The following IL1RAP variants were observed in gnomAD, a reference collection of about 807,000 sequenced individuals.
IL1RAP encodes interleukin 1 receptor accessory protein.
A neutral mutation model predicts 60.7 loss-of-function variants in IL1RAP; 35 were observed. The observed-to-expected ratio is 0.58, with a 90% confidence interval of 0.44 to 0.76. The LOEUF (loss-of-function observed/expected upper bound fraction) is 0.76. Ranked by LOEUF, IL1RAP falls within the 30% of genes least tolerant of loss-of-function variation. The probability of loss-of-function intolerance (pLI) is 0.00; values close to 1 mark genes in which losing one functional copy is unlikely to be tolerated. For synonymous variants in IL1RAP, 268 were observed against 250.9 expected, an observed-to-expected ratio of 1.07 and a Z score of -0.64; for missense variants, 572 against 693.9, an observed-to-expected ratio of 0.82 and a Z score of 1.97.
At chr3:190,607,923 A>G (rs560450873) in intron 4 of IL1RAP, among the ~76,000 whole-genome samples, 12 of 152,134 alleles carry the variant, frequency 7.9e-5, no homozygotes, top group Admixed American at 3.9e-4. Flanking sequence ...CTATCGTTCT[A>G]TCATGTGACA....
At chr3:190,554,133 C>A (rs1307558197) in intron 1 of IL1RAP, among the ~76,000 whole-genome samples, 2 of 151,226 alleles carry the variant, frequency 1.3e-5, no homozygotes, top group African/African-American at 4.9e-5. Flanking sequence ...CTCACTCACC[C>A]TTTCTCAAAC....
At chr3:190,546,909 C>T (rs775318479) in intron 1 of IL1RAP, among the ~76,000 whole-genome samples, 12 of 152,276 alleles carry the variant, frequency 7.9e-5, no homozygotes, top group African/African-American at 1.4e-4. Context: ...TTGAGAAAAT[C>T]GCCCCTTGAA....
intron 2 of IL1RAP, among the ~76,000 whole-genome samples, chr3:190,558,092 G>C (rs1457957538): frequency 6.6e-6 from 1 of 152,280 alleles, no homozygotes; most frequent in East Asian, 1.9e-4. Flanking sequence ...ATTCATCCAA[G>C]TTATTATATC....
downstream of IL1RAP, among the ~76,000 whole-genome samples, chr3:190,653,572 A>G (rs935869989): frequency 1.2e-4 from 19 of 152,304 alleles, no homozygotes; most frequent in African/African-American, 4.1e-4. Context: ...GGAGAAAAAA[A>G]AAAATGACCA....
intron 3 of IL1RAP, among the ~76,000 whole-genome samples, chr3:190,579,851 T>G (rs542675947): frequency 1.3e-5 from 2 of 152,220 alleles, no homozygotes; most frequent in Non-Finnish European, 2.9e-5. Context: ...ATATTGTGAT[T>G]GATTTAGTTT....
chr3:190,592,052 C>T (rs1449909147), intron 3 of IL1RAP, among the ~76,000 whole-genome samples: 2 of 152,218 alleles, frequency 1.3e-5, no homozygotes, highest in East Asian at 3.8e-4. Flanking sequence ...TGGAATCTCG[C>T]TCTGTCTCCC....
At chr3:190,633,106 A>G (rs763765940) in intron 9 of IL1RAP, among the ~76,000 whole-genome samples, 13 of 152,098 alleles carry the variant, frequency 8.5e-5, no homozygotes, top group Non-Finnish European at 1.6e-4. Context: ...AGATCATAGT[A>G]TCAGTTTGTC....
intron 3 of IL1RAP, among the ~76,000 whole-genome samples, chr3:190,592,354 T>A (rs1034135755): frequency 1.8e-4 from 27 of 152,124 alleles, no homozygotes; most frequent in African/African-American, 6.0e-4. Flanking sequence ...GGCTATTAGA[T>A]GATGTTACTG....
At chr3:190,603,805 A>G (rs1730055258) in intron 3 of IL1RAP, among the ~76,000 whole-genome samples, 1 of 152,158 alleles carries the variant, frequency 6.6e-6, no homozygotes, top group South Asian at 2.1e-4. Context: ...TCCTTAAACC[A>G]TTCTCTGTTC....
chr3:190,652,914 A>G (rs1335630315), downstream of IL1RAP, among the ~76,000 whole-genome samples: 1 of 151,834 alleles, frequency 6.6e-6, no homozygotes, highest in Admixed American at 6.6e-5. Context: ...CCTTCCTTAA[A>G]CTCTCAAGAT....
At chr3:190,558,163 C>T (rs1577587589) in intron 2 of IL1RAP, among the ~76,000 whole-genome samples, 2 of 152,222 alleles carry the variant, frequency 1.3e-5, no homozygotes, top group East Asian at 3.9e-4. Flanking sequence ...TTGGATGCCA[C>T]AGAATTTGTT....
At position 190,522,325 on chromosome 3, in the gene IL1RAP, CCTTCCTTCCTTCCTT is replaced by C. The variant is rs1181457293; in HGVS notation, c.-89+8108_-89+8122del. Among the ~76,000 whole-genome samples, 1,024 of 149,190 alleles carry C rather than the reference CCTTCCTTCCTTCCTT, an allele frequency of 6.9e-3. 21 individuals carry two copies. The highest frequency in any genetic ancestry group is 0.025 in the African/African-American group (986 of 39,426). On this transcript the variant is annotated intron_variant, in intron 1 of 11. Coordinates refer to ENST00000447382, the MANE Select transcript of IL1RAP (RefSeq NM_002182.4). ...TCCTTCCTTCCTTCCTTCCTTCCTT[CCTTCCTTCCTTCCTT>C]CCTCCCTCCCTCCCTTCGTTCCTCT...
intron 9 of IL1RAP, among the ~76,000 whole-genome samples, chr3:190,641,830 C>G (rs142833676): frequency 2.0e-3 from 304 of 152,178 alleles, no homozygotes; most frequent in African/African-American, 6.6e-3. Context: ...ATAACGTACT[C>G]AGAAATACCA....
At chr3:190,570,188 A>C (rs1271563754) in intron 3 of IL1RAP, among the ~76,000 whole-genome samples, 1 of 152,244 alleles carries the variant, frequency 6.6e-6, no homozygotes, top group Non-Finnish European at 1.5e-5. Flanking sequence ...GGATACATTT[A>C]ACAAATAATT....
intron 1 of IL1RAP, among the ~76,000 whole-genome samples, chr3:190,553,808 C>A (rs1725112871): frequency 6.6e-6 from 1 of 152,072 alleles, no homozygotes; most frequent in South Asian, 2.1e-4. Flanking sequence ...CGCCTGTAAT[C>A]CCAGCACTTT....
At chr3:190,537,940 T>C (rs1487410587) in intron 1 of IL1RAP, among the ~76,000 whole-genome samples, 1 of 152,176 alleles carries the variant, frequency 6.6e-6, no homozygotes, top group Admixed American at 6.5e-5. Context: ...CTCATGTACT[T>C]TTCTGTTTTG....
At chr3:190,545,474 C>T (rs1048050093) in intron 1 of IL1RAP, among the ~76,000 whole-genome samples, 22 of 152,254 alleles carry the variant, frequency 1.4e-4, no homozygotes, top group Middle Eastern at 3.4e-3. Context: ...ATCCTTTTAT[C>T]GGAGACAGCT....
intron 1 of IL1RAP, among the ~76,000 whole-genome samples, chr3:190,545,210 C>T (rs779544398): frequency 1.3e-5 from 2 of 152,154 alleles, no homozygotes; most frequent in African/African-American, 4.8e-5. Context: ...TTAATTTCAG[C>T]TGTAGAATGC....
Position 190,634,718 on chromosome 3 carries a change from TG to T in IL1RAP, c.1051+5221del, listed in dbSNP as rs61525985. On this transcript the variant is annotated intron_variant, in intron 9 of 11. Transcript: ENST00000447382. The stretch of plus-strand genomic sequence containing the variant: ...TCTGGGCCTGTTGTGTTTTTTTTTT[TG>T]TTGTTGTTTTTTTTGAGAAGGAGTC... Among the ~76,000 whole-genome samples the T allele has an allele frequency of 5.3e-3, 731 of 137,388 alleles. 72 individuals are homozygous for T. The highest frequency in any genetic ancestry group is 0.022 in the African/African-American group (700 of 32,088). The allele number at this position is 137,388 out of a possible 152,430, so 90.1% of individuals were successfully genotyped here. A position where few individuals can be genotyped will look rare whatever the true frequency, so the allele number is the denominator to read the frequency against.
Sources: allele counts gnomAD v4.1 joint callset (sites outside exome capture counted in the v4.1 genomes callset), GRCh38; gene constraint gnomAD v4.1.1; transcripts MANE v1.5; gene names NCBI Gene and HGNC (gene_info 2026-07-23, HGNC 2026-07-21).